Variants in OBI1 observed in about 807,000 individuals in gnomAD.
OBI1 encodes ORC ubiquitin ligase 1, also known as ring finger protein 219.
OBI1 carries 59 observed loss-of-function variants against 62.4 expected under a neutral mutation model. The ratio of observed to expected loss-of-function variants is 0.95; its 90% confidence interval spans 0.77 to 1.17. OBI1 has a LOEUF of 1.17. Among genes scored for constraint, OBI1 ranks in the 50% most tolerant of loss-of-function variants. The probability of loss-of-function intolerance (pLI) is 0.00; values close to 1 mark genes in which losing one functional copy is unlikely to be tolerated. For missense variants in OBI1, 875 were observed against 830.9 expected (o/e 1.05, Z -0.65); for synonymous variants, 302 against 292.8 (o/e 1.03, Z -0.32).
At chr13:78,619,305 G>A (rs1248780627) in intron 5 of OBI1, among the ~76,000 whole-genome samples, 3 of 149,774 alleles carry the variant, frequency 2.0e-5, no homozygotes, top group Admixed American at 1.3e-4. Flanking sequence ...TTAAGATACT[G>A]TATTTGCCTC....
At chr13:78,642,299 C>T (rs1330856895) in intron 2 of OBI1, 86 bp from the exon 3 acceptor site, 2 of 822,996 alleles carry the variant, frequency 2.4e-6, no homozygotes, top group Non-Finnish European at 4.0e-6. Flanking sequence ...TTTTATATAG[C>T]TTCCCAGCTT....
chr13:78,654,804 T>C (rs9544859), intron 1 of OBI1, among the ~76,000 whole-genome samples: 81,407 of 152,012 alleles, frequency 0.54, 24,005 homozygotes, highest in Middle Eastern at 0.69. Flanking sequence ...AAATCATAAT[T>C]TTATGGAGCC....
chr13:78,617,663 T>C (rs1875358119), intron 5 of OBI1, among the ~76,000 whole-genome samples: 1 of 152,184 alleles, frequency 6.6e-6, no homozygotes, highest in African/African-American at 2.4e-5. Context: ...TTGGGCCCTT[T>C]CAATTATAGC....
At chr13:78,638,414 AG>A (rs1203801665) in intron 4 of OBI1, among the ~76,000 whole-genome samples, 3 of 152,216 alleles carry the variant, frequency 2.0e-5, no homozygotes, top group Non-Finnish European at 4.4e-5. Context: ...AGAAAAGATA[AG>A]GTCAAAACTT....
Position 78,616,752 on chromosome 13 carries a change from T to A in OBI1, c.1009A>T (p.Asn337Tyr). 6.2e-7 allele frequency: 1 copy of A among 1,614,206 alleles called. No individual in the cohort carries two copies. The highest frequency in any genetic ancestry group is 8.5e-7 in the Non-Finnish European group (1 of 1,180,020). The stretch of plus-strand genomic sequence containing the variant: ...TATAGGTCTTTGTTCTTAGAACAGT[T>A]AAGGTCTGCTTTGCTGGTACTTTCC... ...RQESTSKADLNCSKNKDLYQE... is the reference protein window; with the variant it reads ...RQESTSKADLYCSKNKDLYQE... Residue 337 changes from asparagine (N) to tyrosine (Y), a missense_variant, in exon 6 of 6, where the codon AAC (asparagine) becomes TAC (tyrosine). By Grantham distance (143) the Asn-to-Tyr change is moderately radical. Transcript: ENST00000282003.
At chr13:78,644,319 T>C (rs1876318860) in intron 2 of OBI1, among the ~76,000 whole-genome samples, 1 of 152,254 alleles carries the variant, frequency 6.6e-6, no homozygotes, top group Non-Finnish European at 1.5e-5. Flanking sequence ...CAAGGTTCTC[T>C]GCACTAAAGT....
Position 78,615,689 on chromosome 13 carries a change from G to A in OBI1, c.2072C>T (p.Ser691Phe). Reference protein sequence around the residue: ...SLHNHLQSPWSTSFVPEKRNK... With the variant: ...SLHNHLQSPWFTSFVPEKRNK... ...CCTCTTTTCAGGCACAAAGGAAGTAGACCAAGGAGACTGAAGGTGGTTATG... is the reference window on the plus strand; with the variant it reads ...CCTCTTTTCAGGCACAAAGGAAGTAAACCAAGGAGACTGAAGGTGGTTATG... The change falls in exon 6 of 6, where the codon TCT becomes TTT. Residue 691 changes from serine to phenylalanine, a missense_variant. Physicochemically the swap from Ser to Phe is radical, Grantham distance 155. Coordinates refer to ENST00000282003, the MANE Select transcript of OBI1 (RefSeq NM_024546.4). The A allele has an allele frequency of 6.2e-7, 1 of 1,613,988 alleles. No homozygotes were observed. Among genetic ancestry groups the A allele is most frequent in the Non-Finnish European group, 8.5e-7 (1 of 1,179,904 alleles).
At chr13:78,642,468 CA>C (rs1183644271) in intron 2 of OBI1, among the ~76,000 whole-genome samples, 1 of 152,162 alleles carries the variant, frequency 6.6e-6, no homozygotes, top group Non-Finnish European at 1.5e-5. Context: ...CTTATCACAG[CA>C]AACTCAGTGG....
At chr13:78,619,055 C>G (rs916940786) in intron 5 of OBI1, among the ~76,000 whole-genome samples, 3 of 152,068 alleles carry the variant, frequency 2.0e-5, no homozygotes, top group Admixed American at 6.6e-5. Context: ...ATTTGCTTAT[C>G]AAGATAAATT....
chr13:78,637,403 T>A (rs1876062752), intron 4 of OBI1, among the ~76,000 whole-genome samples: 1 of 152,254 alleles, frequency 6.6e-6, no homozygotes, highest in Admixed American at 6.5e-5. Context: ...GTATTGAATT[T>A]AACATTTGAC....
rs769938395 is a variant in OBI1, at chr13:78,615,923, A to C, written c.1838T>G (p.Phe613Cys). The C allele has an allele frequency of 6.2e-7, 1 of 1,613,898 alleles. No individual in the cohort carries two copies. The highest frequency in any genetic ancestry group is 1.7e-5 in the Admixed American group (1 of 59,960). Residue 613 changes from phenylalanine (F) to cysteine (C), a missense_variant, in exon 6 of 6, where the codon TTT (phenylalanine) becomes TGT (cysteine). Transcript: ENST00000282003. ...TTCTTGGTCAGATGGAGAGAGGAGAAAAAAAGAAGTGGGTTTCCATTCACT... is the reference window on the plus strand; with the variant it reads ...TTCTTGGTCAGATGGAGAGAGGAGACAAAAAGAAGTGGGTTTCCATTCACT... ...NGSEWKPTSFFLLSPSDQEMN... is the reference protein window; with the variant it reads ...NGSEWKPTSFCLLSPSDQEMN...
chr13:78,630,635 A>T (rs1254219592), intron 5 of OBI1, among the ~76,000 whole-genome samples: 1 of 152,110 alleles, frequency 6.6e-6, no homozygotes, highest in Non-Finnish European at 1.5e-5. Context: ...TAATGCCCTT[A>T]AAAAGATGTC....
intron 3 of OBI1, 61 bp downstream of exon 3, chr13:78,642,061 T>C (rs1264879284): frequency 2.3e-6 from 2 of 859,110 alleles, no homozygotes; most frequent in South Asian, 1.5e-5. Context: ...GGGACTGAGG[T>C]AGGTCAGTTT....
At chr13:78,652,177 ATGAG>A (rs1400212900) in intron 1 of OBI1, among the ~76,000 whole-genome samples, 6 of 152,216 alleles carry the variant, frequency 3.9e-5, no homozygotes, top group African/African-American at 1.2e-4. Context: ...GAATATTGGA[ATGAG>A]TATTTATCAG....
intron 1 of OBI1, among the ~76,000 whole-genome samples, chr13:78,658,844 C>T (rs1489253934): frequency 6.6e-6 from 1 of 152,194 alleles, no homozygotes; most frequent in Non-Finnish European, 1.5e-5. Flanking sequence ...TCACCCTCCT[C>T]CGAAAGGCGC....
chr13:78,650,533 T>A (rs1876515719), intron 1 of OBI1, among the ~76,000 whole-genome samples: 1 of 152,176 alleles, frequency 6.6e-6, no homozygotes, highest in African/African-American at 2.4e-5. Flanking sequence ...CTGGAGTCAG[T>A]AAGTGGCAGA....
chr13:78,644,946 T>C lies in OBI1; in HGVS notation c.124A>G (p.Ile42Val), dbSNP rs781162427. 7 of 1,613,604 alleles carry C rather than the reference T, an allele frequency of 4.3e-6. No individual in the cohort carries two copies. The highest frequency in any genetic ancestry group is 3.3e-5 in the South Asian group (3 of 91,034). Residue 42 changes from isoleucine to valine, a missense_variant, in exon 2 of 6, where the codon ATT (isoleucine) becomes GTT (valine). Transcript: ENST00000282003. Reference sequence around the variant, plus strand: ...CTATTATTCTTCAACCACAAATCAATACAAATCGAACAAAATACATGGTTG... The same window carrying C: ...CTATTATTCTTCAACCACAAATCAACACAAATCGAACAAAATACATGGTTG... ...INNHVFCSIC[I>V]DLWLKNNSQC... is the part of the protein sequence containing the mutation.
intron 3 of OBI1, among the ~76,000 whole-genome samples, chr13:78,639,914 G>A (rs1023086369): frequency 7.3e-5 from 11 of 149,752 alleles, no homozygotes; most frequent in African/African-American, 2.7e-4. Context: ...AGTGGGTGCA[G>A]CGCACCAGCA....
chr13:78,639,216 G>A (rs948254499), intron 3 of OBI1, 145 bp from the exon 4 acceptor site: 1 of 786,412 alleles, frequency 1.3e-6, no homozygotes, highest in African/African-American at 1.8e-5. Context: ...GAGTTTTGCA[G>A]GGAGAAAGTC....
Sources: gnomAD v4.1 joint callset for allele counts (sites outside exome capture counted in the v4.1 genomes callset) on GRCh38, gnomAD v4.1.1 for gene constraint, MANE v1.5 for transcripts, NCBI Gene and HGNC (gene_info 2026-07-23, HGNC 2026-07-21) for gene names.